BRSK2: variants seen among roughly 807,000 people sequenced by gnomAD.
BRSK2 encodes BR serine/threonine kinase 2.
A neutral mutation model predicts 83.3 loss-of-function variants in BRSK2; 19 were observed. That is an observed-to-expected ratio of 0.23 (90% CI 0.16 to 0.33). BRSK2 has a LOEUF of 0.33. BRSK2 is among the 10% of genes least tolerant of loss of function. BRSK2 has a pLI of 1.00. For missense variants in BRSK2, 798 were observed against 1,042.3 expected (o/e 0.77, Z 3.23); for synonymous variants, 519 against 435.4 (o/e 1.19, Z -2.39).
rs1323394289 is a variant in BRSK2 at position 1,445,916 on chromosome 11, GC to G, written c.1226+13del. 3 of 1,596,960 alleles carry G rather than the reference GC, an allele frequency of 1.9e-6. No individual in the cohort carries two copies. In the African/African-American group the frequency reaches 4.0e-5, roughly 21 times the overall value. On this transcript the variant is annotated intron_variant, in intron 12 of 19. Transcript: ENST00000528841. The stretch of plus-strand genomic sequence containing the variant: ...GCCCAGCACGGCCAGAGGTGTGTGT[GC>G]CCCGAGGCTGCTGGGCCTCCCTCCC...
At chr11:1,419,413 A>G (rs916975997) in intron 1 of BRSK2, among the ~76,000 whole-genome samples, 8 of 152,018 alleles carry the variant, frequency 5.3e-5, no homozygotes, top group East Asian at 1.9e-4. Flanking sequence ...TGGTCTCTCT[A>G]TGTCTTTCTG....
At chr11:1,449,930 CTGGGAAGCAGCCCCAGGCGCCCCCCATG>C (rs1403347635) in intron 13 of BRSK2, 94 bp downstream of exon 13, 29 of 897,934 alleles carry the variant, frequency 3.2e-5, no homozygotes, top group Non-Finnish European at 5.1e-5. Flanking sequence ...CTCGCGGACC[CTGGGAAGCAGCCCCAGGCGCCCCCCATG>C]CCCACGCTCC....
intron 3 of BRSK2, among the ~76,000 whole-genome samples, chr11:1,439,660 C>G (rs546991179): frequency 2.0e-5 from 3 of 152,150 alleles, no homozygotes; most frequent in East Asian, 1.9e-4. Context: ...TGTCCCACCC[C>G]CTCTGGACAC....
At chr11:1,405,812 C>T (rs1176090352) in intron 1 of BRSK2, among the ~76,000 whole-genome samples, 2 of 152,158 alleles carry the variant, frequency 1.3e-5, no homozygotes, top group East Asian at 1.9e-4. Flanking sequence ...CTCGGTCCTT[C>T]CTGCCTACCT....
rs752727182 is a variant in BRSK2, at chr11:1,438,323, G to A, written c.204G>A (p.Ala68=). 7.9e-5 allele frequency: 127 copies of A among 1,613,922 alleles called. 1 individual carries two copies. Among genetic ancestry groups the A allele is most frequent in the South Asian group, 4.9e-4 (45 of 91,082 alleles). The change falls in exon 3 of 20, where the codon GCG becomes GCA. Residue 68 remains alanine, a synonymous_variant. Transcript: ENST00000528841. The surrounding 1 kb of genome is among the most constrained non-coding windows in gnomAD (Gnocchi z 6.4). ...SVLMKVEREI[A]ILKLIEHPHV... ...CCATGCAGGTGGAGCGGGAGATCGC[G>A]ATCCTGAAGCTCATTGAGCACCCCC...
Position 1,438,274 on chromosome 11 carries a change from G to A in BRSK2, c.187-32G>A, listed in dbSNP as rs748583851. 8.7e-6 allele frequency: 14 copies of A among 1,607,486 alleles called. No homozygotes were observed. The highest frequency in any genetic ancestry group is 1.7e-4 in the Middle Eastern group (1 of 6,006). On this transcript the variant is annotated intron_variant, in intron 2 of 19. Coordinates refer to ENST00000528841, the MANE Select transcript of BRSK2 (RefSeq NM_001256627.2). The surrounding 1 kb of genome is among the most constrained non-coding windows in gnomAD (Gnocchi z 6.4). ...GGAGCGATGCGTGCCCCAGCCCTGT[G>A]AGCGTGATGTTCTCTGGCCTCTCCC...
intron 18 of BRSK2, among the ~76,000 whole-genome samples, chr11:1,458,726 T>A (rs1433319743): frequency 6.6e-6 from 1 of 151,942 alleles, no homozygotes; most frequent in Non-Finnish European, 1.5e-5. Context: ...AGCACCAACA[T>A]CCCCAGGCCC....
rs373960722 is a variant in BRSK2 at position 1,452,032 on chromosome 11, G to A, written c.1544+613G>A. Among the ~76,000 whole-genome samples, 436 of 152,260 alleles carry A rather than the reference G, an allele frequency of 2.9e-3. 1 individual carries two copies. Among genetic ancestry groups the A allele is most frequent in the African/African-American group, 0.01 (422 of 41,556 alleles). ...GGCCTCAGTCACTGGGCAGTGTCTC[G>A]GAGACCAGGCGACTGGCGGTGTACA... On this transcript the variant is annotated intron_variant, in intron 15 of 19. Transcript: ENST00000528841.
intron 1 of BRSK2, among the ~76,000 whole-genome samples, chr11:1,398,194 G>T (rs1423272091): frequency 6.6e-6 from 1 of 152,206 alleles, no homozygotes; most frequent in African/African-American, 2.4e-5. Context: ...ATAGGGGCTG[G>T]GGGGCAGTGC....
intron 6 of BRSK2, 58 bp from the exon 7 acceptor site, chr11:1,443,277 C>T (rs1851602990): frequency 4.5e-6 from 7 of 1,548,462 alleles, no homozygotes; most frequent in Non-Finnish European, 6.1e-6. Flanking sequence ...AGCCCAGGCC[C>T]TCCAAGGCCC....
chr11:1,425,154 G>T (rs1286100544), intron 1 of BRSK2, among the ~76,000 whole-genome samples: 2 of 152,228 alleles, frequency 1.3e-5, no homozygotes, highest in Non-Finnish European at 2.9e-5. Flanking sequence ...GGTCGGTCCC[G>T]GCGCTCTCAG....
chr11:1,409,180 C>T (rs1340467202), intron 1 of BRSK2, among the ~76,000 whole-genome samples: 3 of 152,202 alleles, frequency 2.0e-5, no homozygotes, highest in South Asian at 2.1e-4. Flanking sequence ...TTCTCTGCCC[C>T]GCCCCAGCCA....
intron 1 of BRSK2, among the ~76,000 whole-genome samples, chr11:1,393,089 T>C (rs1845830885): frequency 6.6e-6 from 1 of 152,134 alleles, no homozygotes; most frequent in African/African-American, 2.4e-5. Flanking sequence ...TGAGAAAGGC[T>C]TGTGTAGCCT....
At chr11:1,424,806 C>A (rs1038620924) in intron 1 of BRSK2, among the ~76,000 whole-genome samples, 1 of 151,906 alleles carries the variant, frequency 6.6e-6, no homozygotes, top group African/African-American at 2.4e-5. Context: ...CAGGTGGGCT[C>A]CCTGGGACCT....
At chr11:1,439,952 C>T (rs1306445415) in intron 3 of BRSK2, among the ~76,000 whole-genome samples, 1 of 152,172 alleles carries the variant, frequency 6.6e-6, no homozygotes, top group East Asian at 1.9e-4. Context: ...ACACTGGGCC[C>T]TTGACTCCTG....
chr11:1,451,302 A>C, intron 14 of BRSK2, 69 bp from the exon 15 acceptor site: 1 of 1,574,560 alleles, frequency 6.4e-7, no homozygotes, highest in Non-Finnish European at 8.7e-7. Flanking sequence ...CCTCGGCGCA[A>C]GGTGGCCAGG....
At chr11:1,445,977 A>G in intron 12 of BRSK2, 70 bp downstream of exon 12, 3 of 1,513,998 alleles carry the variant, frequency 2.0e-6, no homozygotes, top group Non-Finnish European at 2.6e-6. Context: ...CGCCTGGCTC[A>G]TCGCTACCCA....
intron 19 of BRSK2, 88 bp from the exon 20 acceptor site, chr11:1,460,408 TTCTC>T (rs1323248756): frequency 1.2e-5 from 11 of 929,224 alleles, no homozygotes; most frequent in Non-Finnish European, 1.4e-5. Context: ...TTTGTTCTCT[TTCTC>T]TCTCCTTCCC....
chr11:1,420,631 C>A (rs914443006), intron 1 of BRSK2, among the ~76,000 whole-genome samples: 1 of 152,202 alleles, frequency 6.6e-6, no homozygotes, highest in Non-Finnish European at 1.5e-5. Context: ...GTGACTCCCC[C>A]AAGTCCTATC....
Sources: allele counts gnomAD v4.1 joint callset (sites outside exome capture counted in the v4.1 genomes callset), GRCh38; gene constraint gnomAD v4.1.1; non-coding constraint Gnocchi (gnomAD v3.1); transcripts MANE v1.5; gene names NCBI Gene and HGNC (gene_info 2026-07-23, HGNC 2026-07-21).